The following TRPM3 variants were observed in gnomAD, a reference collection of about 807,000 sequenced individuals.
The protein encoded by TRPM3 is long transient receptor potential channel 3.
In TRPM3, 77 loss-of-function variants were observed where a neutral mutation model predicts 181.2. The observed-to-expected ratio is 0.42, with a 90% CI of 0.35 to 0.51. The LOEUF (loss-of-function observed/expected upper bound fraction) is 0.51, where lower values mean the gene tolerates loss of function less well. Among genes scored for constraint, TRPM3 ranks in the 20% least tolerant of loss-of-function variants. The pLI is 0.01. For missense variants in TRPM3, 1,759 were observed against 2,196.7 expected (o/e 0.80, Z 3.98); for synonymous variants, 745 against 796.4 (o/e 0.94, Z 1.09).
intron 1 of TRPM3, among the ~76,000 whole-genome samples, chr9:71,075,382 T>C (rs75988845): frequency 1.1e-4 from 17 of 152,180 alleles, no homozygotes; most frequent in East Asian, 9.6e-4. Flanking sequence ...TGTGTTTAAG[T>C]AGATAAGATG....
chr9:71,377,049 A>G (rs2092684002), intron 1 of TRPM3, among the ~76,000 whole-genome samples: 1 of 152,122 alleles, frequency 6.6e-6, no homozygotes, highest in Non-Finnish European at 1.5e-5. Context: ...CTAGTTTGCA[A>G]GTTAGAAATG....
In TRPM3 at chr9:70,903,021, G is replaced by A. The variant is rs539452390; in HGVS notation, c.178-38510C>T. ...CTGTAAAAGAGGAGGTGAAGCAGAT[G>A]GGGGATGTAAAGATGTTATCCACTA... On this transcript the variant is annotated intron_variant, in intron 1 of 25. Transcript: ENST00000677713. Among the ~76,000 whole-genome samples the A allele has an allele frequency of 3.3e-5, 5 of 152,270 alleles. No homozygotes were observed. In the South Asian group the frequency reaches 1.0e-3, roughly 32 times the overall value.
chr9:70,689,279 T>A (rs1350957298), intron 8 of TRPM3, among the ~76,000 whole-genome samples: 1 of 152,188 alleles, frequency 6.6e-6, no homozygotes, highest in Non-Finnish European at 1.5e-5. Flanking sequence ...TATATTTTGC[T>A]ATTATTTAAA....
rs760699227 is a variant in TRPM3 at position 71,282,264 on chromosome 9, GAA to G, written c.183+164387_183+164388del. Among the ~76,000 whole-genome samples the G allele has an allele frequency of 2.0e-5, 2 of 101,676 alleles. 1 individual carries two copies. Among genetic ancestry groups the G allele is most frequent in the African/African-American group, 8.3e-5 (2 of 24,050 alleles). The allele number at this position is 101,676 out of a possible 152,430, so 66.7% of individuals were successfully genotyped here. A position where few individuals can be genotyped will look rare whatever the true frequency, so the allele number is the denominator to read the frequency against. On this transcript the variant is annotated intron_variant, in intron 1 of 24. Transcript: ENST00000357533. ...GAATGAAAGAAAGAAAGAAAGGAAA[GAA>G]AGAGAGAAAGAAAGAAAAGAAAGAA... is the stretch of plus-strand genomic sequence containing the variant.
In TRPM3 at chr9:70,533,065, C is replaced by G. The variant is rs771251979; in HGVS notation, c.*2888G>C. 6.6e-6 allele frequency: 1 copy of G among 152,222 alleles called. No individual in the cohort carries two copies. Among genetic ancestry groups the G allele is most frequent in the Non-Finnish European group, 1.5e-5 (1 of 68,036 alleles). 9.4% of individuals were successfully genotyped at this position (152,222 alleles called of 1,614,324 possible). A position where few individuals can be genotyped will look rare whatever the true frequency, so the allele number is the denominator to read the frequency against. ...TTCACACGTTTCACAGACGTTAGAA[C>G]TTAATTTTCATGCACAACAAAAGAA... On this transcript the variant is annotated 3_prime_UTR_variant, in exon 26 of 26. Transcript: ENST00000677713.
At chr9:70,802,810 T>C (rs2089503024) in intron 6 of TRPM3, among the ~76,000 whole-genome samples, 1 of 152,204 alleles carries the variant, frequency 6.6e-6, no homozygotes, top group South Asian at 2.1e-4. Flanking sequence ...TGCCTAGCTA[T>C]ATATTTAGTA....
chr9:70,979,297 T>C (rs912085694), intron 1 of TRPM3, among the ~76,000 whole-genome samples: 1 of 152,188 alleles, frequency 6.6e-6, no homozygotes, highest in African/African-American at 2.4e-5. Flanking sequence ...CAGATATTTA[T>C]TGTTTGCCTA....
At chr9:70,980,850 C>T (rs923145806) in intron 1 of TRPM3, among the ~76,000 whole-genome samples, 2 of 152,158 alleles carry the variant, frequency 1.3e-5, no homozygotes, top group Admixed American at 6.5e-5. Context: ...TTGTTTTGCC[C>T]TATAGACAGG....
intron 8 of TRPM3, among the ~76,000 whole-genome samples, chr9:70,694,347 G>A (rs542352624): frequency 6.6e-6 from 1 of 152,276 alleles, no homozygotes; most frequent in South Asian, 2.1e-4. Flanking sequence ...AGAAGCCATA[G>A]ATTTTCTTTC....
At chr9:70,794,577 T>G (rs2086522190) in intron 6 of TRPM3, among the ~76,000 whole-genome samples, 1 of 152,146 alleles carries the variant, frequency 6.6e-6, no homozygotes, top group African/African-American at 2.4e-5. Flanking sequence ...CGGAGGAGGC[T>G]TTTCCTTAGG....
At chr9:71,023,604 T>C (rs1432684681) in intron 1 of TRPM3, among the ~76,000 whole-genome samples, 1 of 151,878 alleles carries the variant, frequency 6.6e-6, no homozygotes, top group Non-Finnish European at 1.5e-5. Flanking sequence ...ACAGGTGGCA[T>C]GTTAAGCCAA....
At chr9:70,554,188 A>T (rs1392619062) in intron 22 of TRPM3, among the ~76,000 whole-genome samples, 1 of 152,168 alleles carries the variant, frequency 6.6e-6, no homozygotes, top group African/African-American at 2.4e-5. Context: ...GAAAGAAAAA[A>T]ATCCCTGACA....
chr9:70,863,605 G>GA (rs1439303691), intron 2 of TRPM3, among the ~76,000 whole-genome samples: 1 of 152,120 alleles, frequency 6.6e-6, no homozygotes, highest in African/African-American at 2.4e-5. Flanking sequence ...ATCCAATTCT[G>GA]AGAATAAAAA....
chr9:71,301,809 C>T (rs1449049556), intron 1 of TRPM3, among the ~76,000 whole-genome samples: 1 of 152,056 alleles, frequency 6.6e-6, no homozygotes, highest in Non-Finnish European at 1.5e-5. Context: ...CTAATAGGTA[C>T]TAAATGAAAC....
chr9:71,347,385 A>G (rs1322798457), intron 1 of TRPM3, among the ~76,000 whole-genome samples: 2 of 152,212 alleles, frequency 1.3e-5, no homozygotes, highest in South Asian at 4.1e-4. Flanking sequence ...CTGACAAAGC[A>G]TAGAAAAGCT....
intron 1 of TRPM3, among the ~76,000 whole-genome samples, chr9:70,989,960 T>C (rs1462332459): frequency 1.3e-5 from 2 of 152,170 alleles, no homozygotes; most frequent in East Asian, 3.9e-4. Context: ...TGAGGGCACC[T>C]TATGTGTGTT....
At chr9:71,423,929 G>A (rs73472651) in intron 1 of TRPM3, among the ~76,000 whole-genome samples, 4 of 151,994 alleles carry the variant, frequency 2.6e-5, no homozygotes, top group East Asian at 1.9e-4. Context: ...ATCCAGTAAC[G>A]TATCCACCTT....
At chr9:71,392,290 C>T (rs948835076) in intron 1 of TRPM3, among the ~76,000 whole-genome samples, 2 of 151,932 alleles carry the variant, frequency 1.3e-5, no homozygotes, top group Admixed American at 1.3e-4. Context: ...AAGTAAGAGC[C>T]CACTAGCAGA....
chr9:71,430,259 C>CA (rs952913759), intron 1 of TRPM3, among the ~76,000 whole-genome samples: 20 of 151,776 alleles, frequency 1.3e-4, no homozygotes, highest in African/African-American at 3.6e-4. Context: ...CTTTTATAAA[C>CA]AAAAAAAAGC....
Sources: gnomAD v4.1 joint callset for allele counts (sites outside exome capture counted in the v4.1 genomes callset) on GRCh38, gnomAD v4.1.1 for gene constraint, MANE v1.5 for transcripts, NCBI Gene and HGNC (gene_info 2026-07-23, HGNC 2026-07-21) for gene names.